The following GALNT17 variants were observed in gnomAD, a reference collection of about 807,000 sequenced individuals.
GALNT17 encodes UDP-GalNAc:polypeptide N-acetylgalactosaminyltransferase-like 3.
A neutral mutation model predicts 63.7 loss-of-function variants in GALNT17; 29 were observed. That is an observed-to-expected ratio of 0.46 (90% CI 0.34 to 0.62). The LOEUF is 0.62. GALNT17 is among the 20% of genes least tolerant of loss of function. The probability of loss-of-function intolerance (pLI) is 0.01; values close to 1 mark genes in which losing one functional copy is unlikely to be tolerated. For missense variants in GALNT17, 603 were observed against 799.6 expected (o/e 0.75, Z 2.97); for synonymous variants, 305 against 318.3 (o/e 0.96, Z 0.45).
At position 71,635,206 on chromosome 7, in the gene GALNT17, C is replaced by CAAA. The variant is rs35340202; in HGVS notation, c.1081-30190_1081-30188dup. 1.1e-3 allele frequency among the ~76,000 whole-genome samples: 138 copies of CAAA among 124,362 alleles called. 1 individual carries two copies. Among genetic ancestry groups the CAAA allele is most frequent in the African/African-American group, 3.9e-3 (128 of 32,840 alleles). The allele number at this position is 124,362 out of a possible 152,430, so 81.6% of individuals were successfully genotyped here. ...TGGGTGACAGAGTGAGACTCCGTCT[C>CAAA]AAAAAAAAAAAAAAAAAGAGGAATG... On this transcript the variant is annotated intron_variant, in intron 6 of 10. Transcript: ENST00000333538.
intron 2 of GALNT17, among the ~76,000 whole-genome samples, chr7:71,387,551 C>G (rs1161885673): frequency 6.6e-6 from 1 of 152,050 alleles, no homozygotes; most frequent in African/African-American, 2.4e-5. Context: ...GTCTTAAACT[C>G]CTGGCCTCAA....
intron 1 of GALNT17, among the ~76,000 whole-genome samples, chr7:71,147,347 C>G (rs1788042288): frequency 6.6e-6 from 1 of 152,126 alleles, no homozygotes; most frequent in South Asian, 2.1e-4. Flanking sequence ...AGGAAGCATC[C>G]AGCACGGGAG....
intron 2 of GALNT17, among the ~76,000 whole-genome samples, chr7:71,371,040 C>T (rs1792612730): frequency 6.6e-6 from 1 of 152,118 alleles, no homozygotes; most frequent in African/African-American, 2.4e-5. Context: ...TCTTTCTTCC[C>T]CCACATCTGC....
intron 5 of GALNT17, among the ~76,000 whole-genome samples, chr7:71,463,763 G>A (rs1787490684): frequency 6.6e-6 from 1 of 152,210 alleles, no homozygotes; most frequent in Non-Finnish European, 1.5e-5. Flanking sequence ...AAACTGTCAT[G>A]GAGCTGGTAG....
chr7:71,668,712 T>C (rs949747657), intron 7 of GALNT17, among the ~76,000 whole-genome samples: 2 of 152,114 alleles, frequency 1.3e-5, no homozygotes, highest in South Asian at 2.1e-4. Flanking sequence ...GGCCCCCCAG[T>C]GCATCCTGTC....
Position 71,571,341 on chromosome 7 carries a change from T to C in GALNT17, c.1019T>C (p.Ile340Thr), listed in dbSNP as rs1789439826. ...GTCAACAGGAAGTTCTTCGGTGAAA[T>C]TGGTCTTCTGGATCCTGGCATGGAT... ...FVVNRKFFGE[I>T]GLLDPGMDVY... The change falls in exon 6 of 11, where the codon ATT (isoleucine) becomes ACT (threonine). Residue 340 changes from isoleucine (I) to threonine (T), a missense_variant. Transcript: ENST00000333538. The C allele has an allele frequency of 6.2e-7, 1 of 1,613,960 alleles. No individual in the cohort carries two copies. The highest frequency in any genetic ancestry group is 1.3e-5 in the African/African-American group (1 of 74,908).
intron 5 of GALNT17, among the ~76,000 whole-genome samples, chr7:71,513,542 T>G (rs1788399738): frequency 6.6e-6 from 1 of 151,980 alleles, no homozygotes; most frequent in South Asian, 2.1e-4. Context: ...TGCTCCACCA[T>G]GCCTGGCTAA....
At chr7:71,572,524 A>AAAC (rs1554310765) in intron 6 of GALNT17, among the ~76,000 whole-genome samples, 1 of 150,162 alleles carries the variant, frequency 6.7e-6, no homozygotes. Context: ...AAAAAAAAAA[A>AAAC]AAAAAACTAC....
chr7:71,256,732 G>A (rs1317246898), intron 1 of GALNT17, among the ~76,000 whole-genome samples: 1 of 152,198 alleles, frequency 6.6e-6, no homozygotes, highest in African/African-American at 2.4e-5. Context: ...TACAGATTTT[G>A]ACTTTTTTCA....
chr7:71,192,924 C>T (rs1333861588), intron 1 of GALNT17, among the ~76,000 whole-genome samples: 11 of 151,970 alleles, frequency 7.2e-5, no homozygotes, highest in Admixed American at 4.6e-4. Context: ...TTTATTTCTG[C>T]GGTACCTGGA....
At chr7:71,503,477 T>G (rs1788215300) in intron 5 of GALNT17, among the ~76,000 whole-genome samples, 1 of 152,278 alleles carries the variant, frequency 6.6e-6, no homozygotes, top group Middle Eastern at 3.4e-3. Flanking sequence ...CCTCAAGCGA[T>G]CTGCCCACCC....
intron 2 of GALNT17, among the ~76,000 whole-genome samples, chr7:71,342,168 C>A (rs548902390): frequency 1.3e-5 from 2 of 152,208 alleles, no homozygotes; most frequent in East Asian, 1.9e-4. Flanking sequence ...TTTTCTGCAG[C>A]CTCTCCAGGA....
At position 71,213,217 on chromosome 7, in the gene GALNT17, C is replaced by T. The variant is rs113353418; in HGVS notation, c.238+80177C>T. 2.2e-3 allele frequency among the ~76,000 whole-genome samples: 341 copies of T among 152,166 alleles called. 4 individuals are homozygous for T. The highest frequency in any genetic ancestry group is 7.7e-3 in the African/African-American group (318 of 41,558). ...ATAGTGAATATCTCACGAGATCTTA[C>T]GGTTTTATCAGGGGTTTCTGCTTTT... is the stretch of plus-strand genomic sequence containing the variant. On this transcript the variant is annotated intron_variant, in intron 1 of 10. Transcript: ENST00000333538.
At chr7:71,469,601 T>A (rs1161617064) in intron 5 of GALNT17, among the ~76,000 whole-genome samples, 3 of 152,314 alleles carry the variant, frequency 2.0e-5, no homozygotes, top group East Asian at 3.9e-4. Context: ...CTTGCCTTAT[T>A]TGAACATGGT....
At chr7:71,267,681 C>G (rs948014914) in intron 1 of GALNT17, among the ~76,000 whole-genome samples, 1 of 150,758 alleles carries the variant, frequency 6.6e-6, no homozygotes, top group Non-Finnish European at 1.5e-5. Context: ...CCATGGAGAA[C>G]AGCAGGTTTC....
intron 1 of GALNT17, among the ~76,000 whole-genome samples, chr7:71,305,929 T>C (rs1791283181): frequency 6.6e-6 from 1 of 152,152 alleles, no homozygotes; most frequent in Non-Finnish European, 1.5e-5. Flanking sequence ...TTAAAAAATT[T>C]CTAATTAGGC....
rs143309263 is a variant in GALNT17, at chr7:71,697,686, G to A, written c.1501-13075G>A. Among the ~76,000 whole-genome samples, 9 of 152,316 alleles carry A rather than the reference G, an allele frequency of 5.9e-5. No individual in the cohort carries two copies. In the East Asian group the frequency reaches 1.2e-3, roughly 20 times the overall value. ...CAGATAGTGGCTTGGCCATAATTTG[G>A]TGAATGAGCATCACAGTAATGAAAT... On this transcript the variant is annotated intron_variant, in intron 9 of 10. Coordinates refer to ENST00000333538, the MANE Select transcript of GALNT17 (RefSeq NM_022479.3).
chr7:71,334,077 A>G (rs1476032662), intron 1 of GALNT17, among the ~76,000 whole-genome samples: 1 of 152,186 alleles, frequency 6.6e-6, no homozygotes, highest in Non-Finnish European at 1.5e-5. Context: ...GGTGGCAGCA[A>G]GAAAAGATAC....
intron 2 of GALNT17, among the ~76,000 whole-genome samples, chr7:71,349,430 T>C (rs1792153292): frequency 1.3e-5 from 2 of 152,148 alleles, no homozygotes; most frequent in South Asian, 4.1e-4. Flanking sequence ...AACAGAACTC[T>C]GAGGATGGAT....
Sources: gnomAD v4.1 joint callset for allele counts (sites outside exome capture counted in the v4.1 genomes callset) on GRCh38, gnomAD v4.1.1 for gene constraint, MANE v1.5 for transcripts, NCBI Gene and HGNC (gene_info 2026-07-23, HGNC 2026-07-21) for gene names.